Variants in ITPR1 observed in about 807,000 individuals in gnomAD.
The protein encoded by ITPR1 is inositol 1,4,5-trisphosphate-gated calcium channel ITPR1.
ITPR1 carries 96 observed loss-of-function variants against 318.4 expected under a neutral mutation model. That is an observed-to-expected ratio of 0.30 (90% CI 0.26 to 0.36). The LOEUF is 0.36. Ranked by LOEUF, ITPR1 falls within the 10% of genes least tolerant of loss-of-function variation. The pLI is 1.00. For synonymous variants in ITPR1, 1,312 were observed against 1,289.9 expected (o/e 1.02, Z -0.37); for missense variants, 2,440 against 3,460.2 (o/e 0.71, Z 7.40).
chr3:4,563,879 G>A (rs879559689), intron 4 of ITPR1, among the ~76,000 whole-genome samples: 11 of 152,074 alleles, frequency 7.2e-5, no homozygotes, highest in Admixed American at 7.2e-4. Flanking sequence ...AAGCTGAATG[G>A]CTTGAACGAC....
intron 2 of ITPR1, among the ~76,000 whole-genome samples, chr3:4,497,991 T>G (rs1295899208): frequency 6.6e-5 from 10 of 152,030 alleles, no homozygotes. Flanking sequence ...GCATCTAGAG[T>G]AGTCAGATCC....
At chr3:4,677,318 T>C (rs1251273850) in intron 24 of ITPR1, among the ~76,000 whole-genome samples, 5 of 152,170 alleles carry the variant, frequency 3.3e-5, no homozygotes, top group Non-Finnish European at 7.4e-5. Context: ...TAGAGGGGCA[T>C]GGGCATGTAT....
At chr3:4,527,003 A>G (rs1285756979) in intron 4 of ITPR1, among the ~76,000 whole-genome samples, 1 of 152,216 alleles carries the variant, frequency 6.6e-6, no homozygotes, top group African/African-American at 2.4e-5. Context: ...GGAAAAGTAA[A>G]TGAGGATGCT....
At chr3:4,580,794 T>C (rs920210244) in intron 4 of ITPR1, among the ~76,000 whole-genome samples, 2 of 150,976 alleles carry the variant, frequency 1.3e-5, no homozygotes, top group African/African-American at 5.0e-5. Flanking sequence ...TGCCAGTCAC[T>C]GAATGGGGCC....
chr3:4,830,757 C>T (rs938455153), intron 60 of ITPR1, among the ~76,000 whole-genome samples: 1 of 152,160 alleles, frequency 6.6e-6, no homozygotes, highest in African/African-American at 2.4e-5. Flanking sequence ...CGCCTCCTTG[C>T]GTCTTCCCAG....
At chr3:4,574,053 T>G (rs926036305) in intron 4 of ITPR1, among the ~76,000 whole-genome samples, 1 of 152,216 alleles carries the variant, frequency 6.6e-6, no homozygotes, top group African/African-American at 2.4e-5. Context: ...AGGTGCCCCA[T>G]GTACACATGG....
Position 4,516,457 on chromosome 3 carries a change from CA to C in ITPR1, c.-16-18del. 1 of 1,222,074 alleles carries C rather than the reference CA, an allele frequency of 8.2e-7. No individual in the cohort carries two copies. Among genetic ancestry groups the C allele is most frequent in the Non-Finnish European group, 1.2e-6 (1 of 860,854 alleles). 75.7% of individuals were successfully genotyped at this position (1,222,074 alleles called of 1,614,324 possible). ...CATTTCTTTTCTTCTAACAATGCTG[CA>C]TATTTTACTTTGTCTAGGATTTTCA... is the stretch of plus-strand genomic sequence containing the variant. On this transcript the variant is annotated intron_variant, in intron 2 of 61. Coordinates refer to ENST00000649015, the MANE Select transcript of ITPR1 (RefSeq NM_001378452.1).
rs115297479 is a variant in ITPR1 at position 4,562,926 on chromosome 3, A to G, written c.163+41832A>G. 7.5e-3 allele frequency among the ~76,000 whole-genome samples: 1,039 copies of G among 138,864 alleles called. 14 individuals carry two copies. Among genetic ancestry groups the G allele is most frequent in the African/African-American group, 0.025 (952 of 38,138 alleles). The allele number at this position is 138,864 out of a possible 152,430, so 91.1% of individuals were successfully genotyped here. ...ATAAACACTGGAAAGAATATAAAATAAGGAGGATGTGATGCAGCATGACTG... is the reference window on the plus strand; with the variant it reads ...ATAAACACTGGAAAGAATATAAAATGAGGAGGATGTGATGCAGCATGACTG... On this transcript the variant is annotated intron_variant, in intron 4 of 61. Transcript: ENST00000649015.
At chr3:4,840,592 A>G (rs891785232) in intron 61 of ITPR1, among the ~76,000 whole-genome samples, 8 of 152,178 alleles carry the variant, frequency 5.3e-5, no homozygotes, top group African/African-American at 1.7e-4. Context: ...TTGTTTCGTT[A>G]TGTATCAATC....
At chr3:4,667,667 G>C (rs2093981114) in intron 18 of ITPR1, 118 bp downstream of exon 18, 1 of 938,770 alleles carries the variant, frequency 1.1e-6, no homozygotes, top group African/African-American at 1.7e-5. Flanking sequence ...GATTAGTTAG[G>C]TCTGGAGAGG....
chr3:4,645,222 AG>A (rs1427303916), intron 8 of ITPR1, among the ~76,000 whole-genome samples, 164 bp from the exon 9 acceptor site: 1 of 152,196 alleles, frequency 6.6e-6, no homozygotes. Flanking sequence ...CTCTGCCAGC[AG>A]GCCAGTTGAT....
At chr3:4,722,539 A>G (rs545790356) in intron 40 of ITPR1, among the ~76,000 whole-genome samples, 2 of 152,338 alleles carry the variant, frequency 1.3e-5, no homozygotes, top group Admixed American at 1.3e-4. Flanking sequence ...TCCTTGGGGT[A>G]TTATACATTG....
intron 55 of ITPR1, among the ~76,000 whole-genome samples, chr3:4,806,575 TCTTTA>T (rs2048568303): frequency 6.6e-6 from 1 of 152,228 alleles, no homozygotes; most frequent in Non-Finnish European, 1.5e-5. Flanking sequence ...CCTTTGTTTT[TCTTTA>T]CTTCTTAGAC....
intron 60 of ITPR1, among the ~76,000 whole-genome samples, chr3:4,833,726 T>G (rs1295768437): frequency 6.6e-6 from 1 of 152,218 alleles, no homozygotes; most frequent in South Asian, 2.1e-4. Flanking sequence ...ACTGTGCCAG[T>G]GGCCTCTGTG....
chr3:4,845,292 T>A (rs2051680179), intron 61 of ITPR1, among the ~76,000 whole-genome samples: 1 of 152,180 alleles, frequency 6.6e-6, no homozygotes, highest in African/African-American at 2.4e-5. Flanking sequence ...TCAGTTGACT[T>A]GAATGCTCAC....
In ITPR1 at chr3:4,630,646, C is replaced by T. The variant is rs183613285; in HGVS notation, c.279+2768C>T. On this transcript the variant is annotated intron_variant, in intron 5 of 61. Coordinates refer to ENST00000649015, the MANE Select transcript of ITPR1 (RefSeq NM_001378452.1). ...TGTTGCCCAGGGTGGAGTGCAGTGG[C>T]GCCATCTCGGCCTACTGCAACCTCC... Among the ~76,000 whole-genome samples, 21 of 151,062 alleles carry T rather than the reference C, an allele frequency of 1.4e-4. 1 individual carries two copies. The East Asian group carries it at 2.5e-3, about 18-fold the overall frequency.
chr3:4,584,247 CCTT>C (rs1395193428), intron 4 of ITPR1, among the ~76,000 whole-genome samples: 11 of 152,104 alleles, frequency 7.2e-5, no homozygotes, highest in Non-Finnish European at 1.3e-4. Flanking sequence ...CACCTCACCC[CCTT>C]CTTGTCCCCC....
chr3:4,785,184 T>A (rs1270151023), intron 51 of ITPR1, among the ~76,000 whole-genome samples: 1 of 152,190 alleles, frequency 6.6e-6, no homozygotes, highest in Non-Finnish European at 1.5e-5. Flanking sequence ...TGGGGAGCTG[T>A]GAAATAAGGC....
intron 4 of ITPR1, among the ~76,000 whole-genome samples, chr3:4,562,442 T>C (rs1459767301): frequency 7.9e-5 from 12 of 152,182 alleles, no homozygotes; most frequent in Admixed American, 7.9e-4. Context: ...ATTTTACTGA[T>C]AGTATGTGCA....
Sources: gnomAD v4.1 joint callset for allele counts (sites outside exome capture counted in the v4.1 genomes callset) on GRCh38, gnomAD v4.1.1 for gene constraint, MANE v1.5 for transcripts, NCBI Gene and HGNC (gene_info 2026-07-23, HGNC 2026-07-21) for gene names.